PCDH11X: variants seen among roughly 807,000 people sequenced by gnomAD.
PCDH11X encodes protocadherin-11 X-linked.
A neutral mutation model predicts 53.3 loss-of-function variants in PCDH11X; 18 were observed. That is an observed-to-expected ratio of 0.34 (90% CI 0.23 to 0.50). PCDH11X has a LOEUF of 0.50. Ranked by LOEUF, PCDH11X falls within the 20% of genes least tolerant of loss-of-function variation. The pLI is 0.98. For synonymous variants in PCDH11X, 279 were observed against 393.3 expected (o/e 0.71, Z 3.44); for missense variants, 570 against 1,032.4 (o/e 0.55, Z 6.14).
intron 6 of PCDH11X, among the ~76,000 whole-genome samples, chrX:92,194,082 G>A (rs2066249282): frequency 9.0e-6 from 1 of 111,707 alleles, no homozygotes; most frequent in Non-Finnish European, 1.9e-5. Flanking sequence ...GTGACAGTAA[G>A]TACTTTGAAA....
At chrX:92,292,524 A>T (rs1035487967) in intron 8 of PCDH11X, among the ~76,000 whole-genome samples, 11 of 112,025 alleles carry the variant, frequency 9.8e-5, no homozygotes, top group Non-Finnish European at 2.1e-4. Flanking sequence ...GGTGATTTTT[A>T]AAAATGCCTC....
intron 6 of PCDH11X, among the ~76,000 whole-genome samples, chrX:91,900,073 G>A (rs1940897124): frequency 9.1e-6 from 1 of 110,039 alleles, no homozygotes; most frequent in East Asian, 2.9e-4. Context: ...CACAGGGCAT[G>A]GTAATACCAA....
intron 9 of PCDH11X, among the ~76,000 whole-genome samples, chrX:92,399,803 G>A (rs2071342239): frequency 9.2e-6 from 1 of 109,081 alleles, no homozygotes; most frequent in African/African-American, 3.4e-5. Context: ...GTGCAGTGGC[G>A]TGATCTCGGC....
intron 7 of PCDH11X, among the ~76,000 whole-genome samples, chrX:92,225,820 T>C (rs1022712675): frequency 1.8e-5 from 2 of 111,899 alleles, no homozygotes; most frequent in Non-Finnish European, 3.8e-5. Context: ...TTTGTATATT[T>C]TTCTCTTTTT....
chrX:92,211,789 A>G (rs1032185512), intron 7 of PCDH11X, among the ~76,000 whole-genome samples: 1 of 111,383 alleles, frequency 9.0e-6, no homozygotes, highest in Admixed American at 9.6e-5. Context: ...TCACACACCG[A>G]TTTGAGTTTT....
chrX:92,525,044 A>G lies in PCDH11X; in HGVS notation c.3367+56722A>G, dbSNP rs148232775. Among the ~76,000 whole-genome samples, 527 of 112,074 alleles carry G rather than the reference A, an allele frequency of 4.7e-3. 3 individuals carry two copies. The South Asian group carries it at 0.064, about 14-fold the overall frequency. Reference sequence around the variant, plus strand: ...TCCTTAAATGGAAACTTGGAAGAATATTCACAAACTATTACATGTCTTCAA... The same window carrying G: ...TCCTTAAATGGAAACTTGGAAGAATGTTCACAAACTATTACATGTCTTCAA... On this transcript the variant is annotated intron_variant, in intron 10 of 10. Coordinates refer to ENST00000682573, the MANE Select transcript of PCDH11X (RefSeq NM_032968.5).
At chrX:92,311,222 G>A (rs760756085) in intron 8 of PCDH11X, among the ~76,000 whole-genome samples, 1 of 109,936 alleles carries the variant, frequency 9.1e-6, no homozygotes, top group African/African-American at 3.3e-5. Flanking sequence ...AGTTATGGTA[G>A]ACTGTTTTCT....
intron 6 of PCDH11X, among the ~76,000 whole-genome samples, chrX:91,992,329 C>T (rs763969520): frequency 1.0e-4 from 11 of 107,897 alleles, no homozygotes; most frequent in Non-Finnish European, 2.1e-4. Flanking sequence ...GTCATAAATG[C>T]TGACCCCTTG....
intron 6 of PCDH11X, among the ~76,000 whole-genome samples, chrX:91,920,297 A>G (rs4893161): frequency 0.22 from 23,685 of 109,614 alleles, 2,345 homozygotes; most frequent in Admixed American, 0.48. Context: ...GGGACCATTT[A>G]TAGATGTTCT....
chrX:92,054,102 A>G (rs1362512823), intron 6 of PCDH11X, among the ~76,000 whole-genome samples: 5 of 111,871 alleles, frequency 4.5e-5, no homozygotes, highest in African/African-American at 9.7e-5. Context: ...TGAAGATACT[A>G]ACATTTCAAC....
At chrX:92,121,012 G>A (rs764388338) in intron 6 of PCDH11X, among the ~76,000 whole-genome samples, 12 of 106,368 alleles carry the variant, frequency 1.1e-4, no homozygotes, top group Non-Finnish European at 2.1e-4. Flanking sequence ...TATTCTCTTA[G>A]TAGTATAAGT....
rs2071379948 is a variant in PCDH11X, at chrX:92,401,144, T to G, written c.3343+13211T>G. The stretch of plus-strand genomic sequence containing the variant: ...AATAATAAATATATAGTCAAAATTT[T>G]CCTTTTTTCATATTTAAATGTACAG... On this transcript the variant is annotated intron_variant, in intron 9 of 10. Transcript: ENST00000682573. Among the ~76,000 whole-genome samples, 4 of 108,748 alleles carry G rather than the reference T, an allele frequency of 3.7e-5. No individual in the cohort carries two copies. The Admixed American group carries it at 4.1e-4, about 11-fold the overall frequency. 94.4% of individuals were successfully genotyped at this position (108,748 alleles called of 115,157 possible). A position where few individuals can be genotyped will look rare whatever the true frequency, so the allele number is the denominator to read the frequency against.
chrX:92,094,246 A>G (rs1048078654), intron 6 of PCDH11X, among the ~76,000 whole-genome samples: 4 of 109,037 alleles, frequency 3.7e-5, no homozygotes, highest in African/African-American at 1.3e-4. Context: ...CATCCCACAC[A>G]CTGGTTTAAA....
chrX:92,370,744 C>T (rs1032691800), intron 8 of PCDH11X, among the ~76,000 whole-genome samples: 1 of 111,784 alleles, frequency 8.9e-6, no homozygotes, highest in Non-Finnish European at 1.9e-5. Context: ...AGGCGTGAGC[C>T]ACTGCGCCCA....
intron 6 of PCDH11X, among the ~76,000 whole-genome samples, chrX:92,184,151 C>A (rs926894246): frequency 9.9e-5 from 11 of 111,287 alleles, no homozygotes; most frequent in African/African-American, 3.6e-4. Context: ...TGTATGAGAA[C>A]CCTTGTCTTT....
At chrX:91,805,547 G>A (rs1261697536) in intron 1 of PCDH11X, among the ~76,000 whole-genome samples, 1 of 111,395 alleles carries the variant, frequency 9.0e-6, no homozygotes, top group Non-Finnish European at 1.9e-5. Flanking sequence ...AGGCACGGTG[G>A]CTCATACCTG....
chrX:92,293,826 A>G (rs1202075836), intron 8 of PCDH11X, among the ~76,000 whole-genome samples: 1 of 94,191 alleles, frequency 1.1e-5, no homozygotes, highest in Non-Finnish European at 1.9e-5. Context: ...GGAAAACCTG[A>G]CGACTGTCAT....
chrX:92,264,669 G>C (rs1468453696), intron 8 of PCDH11X, among the ~76,000 whole-genome samples: 1 of 111,058 alleles, frequency 9.0e-6, no homozygotes, highest in Non-Finnish European at 1.9e-5. Context: ...TGTTGAAGAA[G>C]AGGAATGTTG....
At chrX:92,533,050 A>G (rs1305500100) in intron 10 of PCDH11X, among the ~76,000 whole-genome samples, 3 of 110,933 alleles carry the variant, frequency 2.7e-5, no homozygotes, top group Non-Finnish European at 5.7e-5. Context: ...GAGCTACAAG[A>G]TGAGATTTGG....
Sources: gnomAD v4.1 joint callset for allele counts (sites outside exome capture counted in the v4.1 genomes callset) on GRCh38, gnomAD v4.1.1 for gene constraint, MANE v1.5 for transcripts, NCBI Gene and HGNC (gene_info 2026-07-23, HGNC 2026-07-21) for gene names.